CADPS2: variants seen among roughly 807,000 people sequenced by gnomAD.
CADPS2 encodes the protein calcium dependent secretion activator 2, also known as calcium-dependent secretion activator 2.
A neutral mutation model predicts 172.5 loss-of-function variants in CADPS2; 93 were observed. That is an observed-to-expected ratio of 0.54 (90% CI 0.46 to 0.64). The LOEUF (loss-of-function observed/expected upper bound fraction) is 0.64, where lower values mean the gene tolerates loss of function less well. CADPS2 is among the 30% of genes least tolerant of loss of function. The pLI, the probability that CADPS2 is intolerant of heterozygous loss-of-function variation, is 0.00. For missense variants in CADPS2, 1,420 were observed against 1,565.9 expected (o/e 0.91, Z 1.57); for synonymous variants, 546 against 555.2 (o/e 0.98, Z 0.23).
intron 1 of CADPS2, among the ~76,000 whole-genome samples, chr7:122,759,984 T>A (rs913995663): frequency 2.7e-5 from 4 of 148,374 alleles, no homozygotes; most frequent in Non-Finnish European, 4.5e-5. Context: ...TAGGTGTATT[T>A]TATATATATA....
intron 9 of CADPS2, 28 bp from the exon 10 acceptor site, chr7:122,491,448 T>C: frequency 1.5e-6 from 2 of 1,298,244 alleles, no homozygotes; most frequent in Non-Finnish European, 2.2e-6. Context: ...AGTTTACAGA[T>C]TAGTCACATT....
At chr7:122,491,633 C>T (rs555774350) in intron 9 of CADPS2, among the ~76,000 whole-genome samples, 1 of 152,196 alleles carries the variant, frequency 6.6e-6, no homozygotes, top group Admixed American at 6.5e-5. Context: ...TGCCTATGAT[C>T]CAGCATTCCC....
intron 20 of CADPS2, among the ~76,000 whole-genome samples, chr7:122,402,191 C>G (rs902810331): frequency 6.6e-6 from 1 of 152,146 alleles, no homozygotes; most frequent in African/African-American, 2.4e-5. Flanking sequence ...CTTTAACCAA[C>G]TCCTTTCCTC....
chr7:122,388,200 G>A (rs1032771354), intron 23 of CADPS2, among the ~76,000 whole-genome samples: 1 of 152,014 alleles, frequency 6.6e-6, no homozygotes, highest in African/African-American at 2.4e-5. Flanking sequence ...AGTTTACTAT[G>A]CCATTTCACA....
At chr7:122,846,013 T>C (rs1465788855) in intron 1 of CADPS2, among the ~76,000 whole-genome samples, 2 of 152,144 alleles carry the variant, frequency 1.3e-5, no homozygotes, top group Non-Finnish European at 2.9e-5. Context: ...TTCTAAAAAT[T>C]AAGGAGTAAG....
intron 1 of CADPS2, among the ~76,000 whole-genome samples, chr7:122,878,413 G>A (rs1821874764): frequency 6.6e-6 from 1 of 152,008 alleles, no homozygotes; most frequent in Admixed American, 6.6e-5. Context: ...AGCACTTTGG[G>A]AGGCCGAGGT....
intron 2 of CADPS2, among the ~76,000 whole-genome samples, chr7:122,718,743 C>T (rs1284448633): frequency 6.6e-6 from 1 of 152,064 alleles, no homozygotes; most frequent in Non-Finnish European, 1.5e-5. Context: ...CAAGCTGAAG[C>T]GCTGACCACT....
intron 1 of CADPS2, chr7:122,849,898 T>C (rs1278119037): frequency 7.0e-6 from 4 of 569,978 alleles, no homozygotes; most frequent in African/African-American, 1.9e-5. Flanking sequence ...CCCCAGCCCC[T>C]GCCCCAACCA....
chr7:122,678,872 C>CAGA (rs58439886), intron 2 of CADPS2, among the ~76,000 whole-genome samples: 151,051 of 152,126 alleles, frequency 0.99, 74,999 homozygotes, highest in Non-Finnish European at 1. Flanking sequence ...GAAACCATGG[C>CAGA]AGAACATAAA....
At chr7:122,811,772 G>A (rs538069298) in intron 1 of CADPS2, among the ~76,000 whole-genome samples, 3 of 152,064 alleles carry the variant, frequency 2.0e-5, no homozygotes, top group South Asian at 2.1e-4. Context: ...ACCTAAGTAC[G>A]TCAACATATT....
chr7:122,449,906 C>T, intron 15 of CADPS2, among the ~76,000 whole-genome samples: 1 of 152,068 alleles, frequency 6.6e-6, no homozygotes, highest in East Asian at 1.9e-4. Flanking sequence ...AAAATCATAC[C>T]TTATTCACTT....
intron 8 of CADPS2, among the ~76,000 whole-genome samples, chr7:122,544,080 G>C (rs1284489395): frequency 6.6e-6 from 1 of 152,026 alleles, no homozygotes; most frequent in Non-Finnish European, 1.5e-5. Flanking sequence ...ACTCCTACGT[G>C]TCCACTCAAG....
chr7:122,448,784 G>A (rs932048262), intron 15 of CADPS2, among the ~76,000 whole-genome samples: 1 of 152,054 alleles, frequency 6.6e-6, no homozygotes, highest in Non-Finnish European at 1.5e-5. Flanking sequence ...AAAATACTTT[G>A]CTAGGATCTT....
At chr7:122,665,035 G>A (rs910441768) in intron 2 of CADPS2, among the ~76,000 whole-genome samples, 1 of 150,572 alleles carries the variant, frequency 6.6e-6, no homozygotes, top group Non-Finnish European at 1.5e-5. Context: ...CCTAGGCTCA[G>A]GCAATCCTCC....
intron 3 of CADPS2, among the ~76,000 whole-genome samples, chr7:122,651,423 C>T (rs2079136053): frequency 6.6e-6 from 1 of 152,162 alleles, no homozygotes; most frequent in Non-Finnish European, 1.5e-5. Context: ...CCCACGGTGA[C>T]CACAGCAACT....
At chr7:122,719,859 A>C (rs543150191) in intron 2 of CADPS2, among the ~76,000 whole-genome samples, 1 of 152,160 alleles carries the variant, frequency 6.6e-6, no homozygotes, top group Non-Finnish European at 1.5e-5. Context: ...AAAATCTTGC[A>C]TAGATTAATG....
chr7:122,466,213 C>T (rs1470485132), intron 14 of CADPS2, among the ~76,000 whole-genome samples: 1 of 152,178 alleles, frequency 6.6e-6, no homozygotes, highest in African/African-American at 2.4e-5. Context: ...TTCCTCAGAC[C>T]TTCAGCAGGC....
intron 2 of CADPS2, among the ~76,000 whole-genome samples, chr7:122,686,499 A>C (rs914791514): frequency 6.6e-6 from 1 of 152,180 alleles, no homozygotes; most frequent in Non-Finnish European, 1.5e-5. Flanking sequence ...CAGCTGGAGG[A>C]CTTGGTGAAC....
At chr7:122,877,958 C>A (rs1256109986) in intron 1 of CADPS2, among the ~76,000 whole-genome samples, 2 of 152,094 alleles carry the variant, frequency 1.3e-5, no homozygotes, top group African/African-American at 4.8e-5. Context: ...CCCTCTGAAG[C>A]CAGTGCTTTC....
Sources: allele counts gnomAD v4.1 joint callset (sites outside exome capture counted in the v4.1 genomes callset), GRCh38; gene constraint gnomAD v4.1.1; transcripts MANE v1.5; gene names NCBI Gene and HGNC (gene_info 2026-07-23, HGNC 2026-07-21).